The following EFCC1 variants were observed in gnomAD, a reference collection of about 807,000 sequenced individuals.
EFCC1 encodes the protein EF-hand and coiled-coil domain-containing protein 1.
A neutral mutation model predicts 52.1 loss-of-function variants in EFCC1; 50 were observed. That is an observed-to-expected ratio of 0.96 (90% CI 0.76 to 1.21). The LOEUF is 1.21. Among genes scored for constraint, EFCC1 ranks in the 50% most tolerant of loss-of-function variants. The pLI, the probability that EFCC1 is intolerant of heterozygous loss-of-function variation, is 0.00. For synonymous variants in EFCC1, 399 were observed against 396.5 expected (o/e 1.01, Z -0.08); for missense variants, 837 against 867.3 (o/e 0.97, Z 0.44).
chr3:129,038,707 G>A (rs557885282), intron 6 of EFCC1, 124 bp from the exon 7 acceptor site: 5 of 899,182 alleles, frequency 5.6e-6, no homozygotes, highest in Admixed American at 1.8e-5. Flanking sequence ...CGATGAGGGT[G>A]GGGGAGGAGC....
intron 1 of EFCC1, 93 bp from the exon 2 acceptor site, chr3:129,003,701 T>G: frequency 1.7e-6 from 2 of 1,172,744 alleles, no homozygotes; most frequent in Non-Finnish European, 2.2e-6. Context: ...CGCTTCTGGG[T>G]GCAGAGGCAT....
rs141638593 is a variant in EFCC1, at chr3:129,027,910, C to T, written c.981-2793C>T. On this transcript the variant is annotated intron_variant, in intron 2 of 7. Coordinates refer to ENST00000683648, the MANE Select transcript of EFCC1 (RefSeq NM_001377500.1). ...TGGAAGTTGCAGTGAGCTGAGATCG[C>T]GCCACTGCACTCCACCCTGAGTGAC... Among the ~76,000 whole-genome samples the T allele has an allele frequency of 5.1e-3, 782 of 151,954 alleles. 13 individuals are homozygous for T. The highest frequency in any genetic ancestry group is 0.018 in the African/African-American group (731 of 41,422).
intron 2 of EFCC1, among the ~76,000 whole-genome samples, chr3:129,022,095 C>T (rs1359748829): frequency 6.6e-6 from 1 of 152,208 alleles, no homozygotes; most frequent in Non-Finnish European, 1.5e-5. Context: ...TACCAAGCTT[C>T]AGATCCTCTA....
chr3:129,014,855 G>A lies in EFCC1; in HGVS notation c.980+10778G>A, dbSNP rs1378907548. On this transcript the variant is annotated intron_variant, in intron 2 of 7. Transcript: ENST00000683648. The surrounding 1 kb of genome is among the most constrained non-coding windows in gnomAD (Gnocchi z 4.3). ...GCCTGGATGCCGAGGGGCCAGTGAG[G>A]AGGGGCCAGTGAGGAGGAGCAGGTG... Among the ~76,000 whole-genome samples, 2 of 152,102 alleles carry A rather than the reference G, an allele frequency of 1.3e-5. No homozygotes were observed. Among genetic ancestry groups the A allele is most frequent in the African/African-American group, 4.8e-5 (2 of 41,388 alleles).
In EFCC1 at chr3:129,014,638, T is replaced by C. The variant is rs868864287; in HGVS notation, c.980+10561T>C. On this transcript the variant is annotated intron_variant, in intron 2 of 7. Coordinates refer to ENST00000683648, the MANE Select transcript of EFCC1 (RefSeq NM_001377500.1). The surrounding 1 kb of genome is among the most constrained non-coding windows in gnomAD (Gnocchi z 4.3). ...GGGGGTCTGGACATCAACATATGAA[T>C]TGGGGAGACACAACCAGCCCATCAC... is the stretch of plus-strand genomic sequence containing the variant. 6.6e-6 allele frequency among the ~76,000 whole-genome samples: 1 copy of C among 152,096 alleles called. No individual in the cohort carries two copies. The highest frequency in any genetic ancestry group is 1.5e-5 in the Non-Finnish European group (1 of 68,014).
At chr3:129,037,908 A>AG in intron 6 of EFCC1, among the ~76,000 whole-genome samples, 1 of 151,904 alleles carries the variant, frequency 6.6e-6, no homozygotes, top group East Asian at 1.9e-4. Flanking sequence ...CAAAAAAAAA[A>AG]AAAAAATTAG....
intron 3 of EFCC1, among the ~76,000 whole-genome samples, chr3:129,032,145 C>G (rs1946285257): frequency 6.6e-6 from 1 of 152,146 alleles, no homozygotes; most frequent in African/African-American, 2.4e-5. Context: ...TGTGTCACAC[C>G]CCCTTCCTCC....
chr3:129,034,633 C>T (rs1258405728), intron 5 of EFCC1, among the ~76,000 whole-genome samples: 2 of 152,174 alleles, frequency 1.3e-5, no homozygotes, highest in African/African-American at 4.8e-5. Flanking sequence ...CATCTATCTG[C>T]TGTGTTTTTC....
chr3:129,007,821 T>C (rs1230269312), intron 2 of EFCC1, among the ~76,000 whole-genome samples: 1 of 152,260 alleles, frequency 6.6e-6, no homozygotes, highest in Admixed American at 6.5e-5. Flanking sequence ...AGACCTGTAC[T>C]TTCTTTTTCA....
rs768230763 is a variant in EFCC1, at chr3:129,032,967, G to T, written c.1286+1G>T. On this transcript the variant is annotated splice_donor_variant, in intron 4 of 7. Transcript: ENST00000683648. LOFTEE classifies it high-confidence loss of function. The stretch of plus-strand genomic sequence containing the variant: ...CCCGGCTCTCCAGCTGCAGAGGCAG[G>T]TGTGTGGCCCGTCCAGCGTCAGCCA... The T allele has an allele frequency of 1.0e-5, 16 of 1,536,778 alleles. No individual in the cohort carries two copies. The South Asian group carries it at 1.9e-4, about 19-fold the overall frequency.
In EFCC1 at chr3:129,034,328, A is replaced by T. The variant is rs1946328706; in HGVS notation, c.1451A>T (p.Glu484Val). The T allele has an allele frequency of 2.5e-6, 4 of 1,613,636 alleles. No individual in the cohort carries two copies. In the African/African-American group the frequency reaches 5.3e-5, roughly 22 times the overall value. Reference sequence around the variant, plus strand: ...AGGACCCTGGGGACCTCTGAGGAGGAGGTCAGCAGAGCCTAGAGATCAAAG... The same window carrying T: ...AGGACCCTGGGGACCTCTGAGGAGGTGGTCAGCAGAGCCTAGAGATCAAAG... The part of the protein sequence containing the change: ...GGRTLGTSEE[E>V]AELQQKVEEN... Residue 484 changes from glutamate to valine, a missense_variant and splice_region_variant, in exon 5 of 8, where the codon GAG (glutamate) becomes GTG (valine). Transcript: ENST00000683648.
chr3:129,024,939 CT>C (rs1946038872), intron 2 of EFCC1, among the ~76,000 whole-genome samples: 2 of 152,148 alleles, frequency 1.3e-5, no homozygotes, highest in Admixed American at 1.3e-4. Flanking sequence ...CTGGGCACTA[CT>C]TGCTGGAGCC....
chr3:129,003,674 C>A, intron 1 of EFCC1, 120 bp from the exon 2 acceptor site: 1 of 1,029,664 alleles, frequency 9.7e-7, no homozygotes, highest in Non-Finnish European at 1.2e-6. Flanking sequence ...GCAGACGGCG[C>A]AAGAAACGTG....
chr3:129,017,739 T>A (rs1489970305), intron 2 of EFCC1, among the ~76,000 whole-genome samples: 6 of 139,034 alleles, frequency 4.3e-5, no homozygotes, highest in Non-Finnish European at 8.8e-5. Context: ...TAGACAGGGA[T>A]AATCCCGTCT....
chr3:129,023,885 C>G (rs910314307), intron 2 of EFCC1, among the ~76,000 whole-genome samples: 4 of 152,222 alleles, frequency 2.6e-5, no homozygotes, highest in African/African-American at 9.7e-5. Context: ...TAGGACTCAA[C>G]CCATGTCTTG....
intron 3 of EFCC1, 90 bp downstream of exon 3, chr3:129,030,950 T>C: frequency 7.1e-7 from 1 of 1,415,956 alleles, no homozygotes; most frequent in Non-Finnish European, 9.3e-7. Flanking sequence ...TCTGCATCCA[T>C]GCTACCACCA....
chr3:129,008,435 C>T (rs1028288641), intron 2 of EFCC1, among the ~76,000 whole-genome samples: 8 of 152,148 alleles, frequency 5.3e-5, no homozygotes, highest in Non-Finnish European at 1.0e-4. Context: ...CTATTTTATC[C>T]AGCATTTCAA....
At chr3:129,039,190 C>T (rs754279994) in intron 7 of EFCC1, among the ~76,000 whole-genome samples, 3 of 152,188 alleles carry the variant, frequency 2.0e-5, no homozygotes, top group Non-Finnish European at 4.4e-5. Context: ...TGAATCCTTA[C>T]AATGGCCCTA....
chr3:129,004,056 A>G lies in EFCC1; in HGVS notation c.959A>G (p.Glu320Gly). ...TTGCAGCGCTGGGTGCGGCGGCTGGAGGCGGAGCTGCAACGCTACAGGTGA... is the reference window on the plus strand; with the variant it reads ...TTGCAGCGCTGGGTGCGGCGGCTGGGGGCGGAGCTGCAACGCTACAGGTGA... The part of the protein sequence containing the change: ...PGLQRWVRRL[E>G]AELQRYRSED... The change falls in exon 2 of 8, where the codon GAG (glutamate) becomes GGG (glycine). Residue 320 changes from glutamate to glycine, a missense_variant. By Grantham distance (98) the Glu-to-Gly change is moderately conservative. Transcript: ENST00000683648. 1 of 1,510,844 alleles carries G rather than the reference A, an allele frequency of 6.6e-7. No individual in the cohort carries two copies. Among genetic ancestry groups the G allele is most frequent in the South Asian group, 1.2e-5 (1 of 82,842 alleles). 93.6% of individuals were successfully genotyped at this position (1,510,844 alleles called of 1,614,324 possible). A position where few individuals can be genotyped will look rare whatever the true frequency, so the allele number is the denominator to read the frequency against.
Sources: gnomAD v4.1 joint callset for allele counts (sites outside exome capture counted in the v4.1 genomes callset) on GRCh38, gnomAD v4.1.1 for gene constraint, Gnocchi (gnomAD v3.1) non-coding constraint, MANE v1.5 for transcripts, NCBI Gene and HGNC (gene_info 2026-07-23, HGNC 2026-07-21) for gene names.